EYS: variants seen among roughly 807,000 people sequenced by gnomAD.
The protein encoded by EYS is EGF-like photoreceptor maintenance factor, also known as protein eyes shut homolog.
Under a neutral mutation model 282.1 loss-of-function variants are expected in EYS, and 250 were observed. The ratio of observed to expected loss-of-function variants is 0.89; its 90% confidence interval spans 0.80 to 0.98. EYS has a LOEUF of 0.98. EYS is among the 50% of genes least tolerant of loss of function. EYS has a pLI of 0.00. For missense variants in EYS, 4,016 were observed against 3,709.0 expected, an observed-to-expected ratio of 1.08 and a Z score of -2.15; for synonymous variants, 1,355 against 1,282.9, an observed-to-expected ratio of 1.06 and a Z score of -1.20.
chr6:65,118,792 A>G (rs908986352), intron 12 of EYS, among the ~76,000 whole-genome samples: 1 of 152,074 alleles, frequency 6.6e-6, no homozygotes, highest in Non-Finnish European at 1.5e-5. Flanking sequence ...CAAATGGATC[A>G]CTAGAAGGCA....
rs1257921964 is a variant in EYS at position 63,958,095 on chromosome 6, C to G, written c.7055+26288G>C. On this transcript the variant is annotated intron_variant, in intron 35 of 42. Transcript: ENST00000503581. The stretch of plus-strand genomic sequence containing the variant: ...ATAATCTATGACCATGGTTAATAGT[C>G]AAGCTAATGTGCTAATGTGGGGAGT... Among the ~76,000 whole-genome samples the G allele has an allele frequency of 5.7e-5, 8 of 140,474 alleles. 1 individual carries two copies. Among genetic ancestry groups the G allele is most frequent in the African/African-American group, 2.0e-4 (8 of 40,948 alleles). The allele number at this position is 140,474 out of a possible 152,430, so 92.2% of individuals were successfully genotyped here.
At chr6:64,647,703 C>CA in intron 22 of EYS, among the ~76,000 whole-genome samples, 1 of 152,078 alleles carries the variant, frequency 6.6e-6, no homozygotes, top group South Asian at 2.1e-4. Flanking sequence ...TATTAAAACT[C>CA]AGTTAAATAA....
intron 35 of EYS, among the ~76,000 whole-genome samples, chr6:63,942,977 C>G (rs1304652113): frequency 6.6e-6 from 1 of 152,136 alleles, no homozygotes; most frequent in Non-Finnish European, 1.5e-5. Context: ...TTTCTTTTCT[C>G]TAGCTTTATT....
intron 41 of EYS, among the ~76,000 whole-genome samples, chr6:63,752,659 A>AT (rs888241908): frequency 1.1e-4 from 16 of 150,164 alleles, no homozygotes; most frequent in East Asian, 2.0e-4. Context: ...TGCCTGGCTA[A>AT]TTTTTTTTTG....
intron 22 of EYS, among the ~76,000 whole-genome samples, chr6:64,631,023 A>T (rs753915394): frequency 8.5e-5 from 13 of 152,178 alleles, no homozygotes; most frequent in East Asian, 5.8e-4. Flanking sequence ...ATACAAAAGG[A>T]TTTACTAAAA....
chr6:65,435,972 C>A (rs1020286043), intron 5 of EYS, among the ~76,000 whole-genome samples: 3 of 152,142 alleles, frequency 2.0e-5, no homozygotes, highest in Non-Finnish European at 4.4e-5. Flanking sequence ...AACTTCTAGT[C>A]TCCGGAAATG....
At chr6:64,858,885 C>T (rs1583230522) in intron 19 of EYS, among the ~76,000 whole-genome samples, 1 of 152,092 alleles carries the variant, frequency 6.6e-6, no homozygotes, top group South Asian at 2.1e-4. Flanking sequence ...ACATCATTCT[C>T]AATGATGAAA....
intron 26 of EYS, among the ~76,000 whole-genome samples, chr6:64,496,183 T>C (rs1460117669): frequency 6.6e-6 from 1 of 151,920 alleles, no homozygotes; most frequent in African/African-American, 2.4e-5. Flanking sequence ...CTTTGCTTTC[T>C]TAACCTGATA....
intron 12 of EYS, among the ~76,000 whole-genome samples, chr6:65,255,888 G>C (rs1767447359): frequency 6.6e-6 from 1 of 152,006 alleles, no homozygotes; most frequent in African/African-American, 2.4e-5. Context: ...TAACCCACAA[G>C]CACTCTCAGG....
At chr6:63,791,608 G>C (rs1745470363) in intron 37 of EYS, among the ~76,000 whole-genome samples, 1 of 151,484 alleles carries the variant, frequency 6.6e-6, no homozygotes, top group Non-Finnish European at 1.5e-5. Flanking sequence ...AAGAAGAACT[G>C]CTGGGATGTG....
intron 26 of EYS, among the ~76,000 whole-genome samples, chr6:64,589,715 C>A (rs989815036): frequency 6.6e-6 from 1 of 151,772 alleles, no homozygotes; most frequent in Non-Finnish European, 1.5e-5. Context: ...AACTTATATT[C>A]TGAATTATAT....
chr6:64,858,747 T>C (rs1766146493), intron 19 of EYS, among the ~76,000 whole-genome samples: 1 of 152,090 alleles, frequency 6.6e-6, no homozygotes, highest in South Asian at 2.1e-4. Flanking sequence ...ATCATCTCAA[T>C]AGATGCCAAA....
chr6:64,982,273 G>T (rs891047378), intron 14 of EYS, among the ~76,000 whole-genome samples: 1 of 151,106 alleles, frequency 6.6e-6, no homozygotes, highest in Admixed American at 6.6e-5. Flanking sequence ...TACTGTAGTA[G>T]AATTAATTCA....
At chr6:64,489,631 T>C (rs1776679193) in intron 26 of EYS, among the ~76,000 whole-genome samples, 1 of 149,840 alleles carries the variant, frequency 6.7e-6, no homozygotes, top group Middle Eastern at 3.5e-3. Context: ...TAAAATCTAC[T>C]AATTTCTTAT....
intron 2 of EYS, among the ~76,000 whole-genome samples, chr6:65,605,288 C>T (rs1765747700): frequency 6.6e-6 from 1 of 151,300 alleles, no homozygotes; most frequent in South Asian, 2.1e-4. Flanking sequence ...AATAAACACA[C>T]AAGTGAAAAA....
intron 12 of EYS, among the ~76,000 whole-genome samples, chr6:65,227,631 T>C (rs1468693004): frequency 6.6e-6 from 1 of 152,130 alleles, no homozygotes; most frequent in Non-Finnish European, 1.5e-5. Context: ...CTAATGTTTA[T>C]AGGAGCATTA....
At chr6:64,703,809 A>C (rs1770879845) in intron 22 of EYS, among the ~76,000 whole-genome samples, 1 of 152,214 alleles carries the variant, frequency 6.6e-6, no homozygotes, top group Non-Finnish European at 1.5e-5. Context: ...AACATATTTT[A>C]AGTATGTATA....
At chr6:64,542,567 TGAAAG>T (rs1582873499) in intron 26 of EYS, among the ~76,000 whole-genome samples, 1 of 152,126 alleles carries the variant, frequency 6.6e-6, no homozygotes, top group East Asian at 1.9e-4. Context: ...ACAGTGATTG[TGAAAG>T]TAGGTTTTTG....
intron 11 of EYS, among the ~76,000 whole-genome samples, chr6:65,317,889 A>C (rs1769355203): frequency 5.1e-5 from 5 of 97,474 alleles, no homozygotes; most frequent in African/African-American, 1.2e-4. Context: ...TTTCTTTCAG[A>C]CAGAGTCTCC....
Sources: allele counts gnomAD v4.1 joint callset (sites outside exome capture counted in the v4.1 genomes callset), GRCh38; gene constraint gnomAD v4.1.1; transcripts MANE v1.5; gene names NCBI Gene and HGNC (gene_info 2026-07-23, HGNC 2026-07-21).